USP34: variants seen among roughly 807,000 people sequenced by gnomAD.
USP34 encodes ubiquitin carboxyl-terminal hydrolase 34.
In USP34, 70 loss-of-function variants were observed where a neutral mutation model predicts 460.3. The ratio of observed to expected loss-of-function variants is 0.15; its 90% CI spans 0.13 to 0.19. The LOEUF is 0.19. Ranked by LOEUF, USP34 falls within the 10% of genes least tolerant of loss-of-function variation. The probability of loss-of-function intolerance (pLI) is 1.00; values close to 1 mark genes in which losing one functional copy is unlikely to be tolerated. For missense variants in USP34, 3,985 were observed against 4,236.2 expected (o/e 0.94, Z 1.65); for synonymous variants, 1,647 against 1,405.3 (o/e 1.17, Z -3.85).
At chr2:61,461,800 A>G (rs1695608339) in intron 1 of USP34, among the ~76,000 whole-genome samples, 1 of 152,224 alleles carries the variant, frequency 6.6e-6, no homozygotes, top group South Asian at 2.1e-4. Flanking sequence ...TTTTTGACAC[A>G]GTAAACTCAC....
In USP34 at chr2:61,314,890, A is replaced by T. The variant is rs778736752; in HGVS notation, c.3367T>A (p.Ser1123Thr). The change falls in exon 24 of 80, where the codon TCC becomes ACC. Residue 1123 changes from serine (S) to threonine (T), a missense_variant. Transcript: ENST00000398571. ...AATCACTTACCATTAATATAATAGG[A>T]GTTAATATACTGGATAGCTGCTCGA... ...VSRAAIQYIN[S>T]YYINGKTGLE... is the part of the protein sequence containing the mutation. 1.9e-6 allele frequency: 3 copies of T among 1,612,424 alleles called. No homozygotes were observed. Among genetic ancestry groups the T allele is most frequent in the Non-Finnish European group, 2.5e-6 (3 of 1,179,538 alleles).
chr2:61,344,677 T>G (rs755029002), intron 15 of USP34, among the ~76,000 whole-genome samples: 34 of 152,314 alleles, frequency 2.2e-4, no homozygotes, highest in African/African-American at 7.2e-4. Context: ...AACTAAGATT[T>G]GCAGTGTACC....
intron 41 of USP34, among the ~76,000 whole-genome samples, chr2:61,273,087 CAT>C (rs1454546838): frequency 6.6e-6 from 1 of 152,094 alleles, no homozygotes; most frequent in African/African-American, 2.4e-5. Flanking sequence ...AGTTAAAAAA[CAT>C]AAGCAATGAT....
chr2:61,427,508 A>G (rs1174358345), intron 1 of USP34, among the ~76,000 whole-genome samples: 1 of 152,222 alleles, frequency 6.6e-6, no homozygotes, highest in Non-Finnish European at 1.5e-5. Context: ...TCAGGGACCA[A>G]TCCTGGAGAA....
chr2:61,459,854 G>T (rs1008602289), intron 1 of USP34, among the ~76,000 whole-genome samples: 25 of 151,374 alleles, frequency 1.7e-4, no homozygotes, highest in South Asian at 1.0e-3. Context: ...GAGGTCAGGA[G>T]ATCAAGACCA....
chr2:61,295,169 G>T lies in USP34; in HGVS notation c.4376C>A (p.Thr1459Lys), dbSNP rs770013111. 9.3e-6 allele frequency: 15 copies of T among 1,608,336 alleles called. No homozygotes were observed. The highest frequency in any genetic ancestry group is 1.3e-5 in the Non-Finnish European group (15 of 1,178,352). Residue 1459 changes from threonine to lysine, a missense_variant and splice_region_variant, in exon 31 of 80, where the codon ACG becomes AAG. By Grantham distance (78) the Thr-to-Lys change is moderately conservative (BLOSUM62 -1). Around this residue, in one of 14 missense-constraint regions of USP34, gnomAD observed 1,114 missense variants for 1,122.5 expected, o/e 0.99. Coordinates refer to ENST00000398571, the MANE Select transcript of USP34 (RefSeq NM_014709.4). ...KPNRRIRRES[T>K]GSYSDLYPDS... is the part of the protein sequence containing the mutation. ...TGATAATAATGGAAATGCAATTACC[G>T]TAGACTCCCTCCTTATTCTTCTATT...
chr2:61,221,423 C>T, intron 66 of USP34, 79 bp downstream of exon 66: 2 of 1,306,474 alleles, frequency 1.5e-6, no homozygotes, highest in South Asian at 3.0e-5. Context: ...GAAACTGGTA[C>T]TTAAAATGGT....
At chr2:61,244,850 C>T (rs565248445) in intron 51 of USP34, among the ~76,000 whole-genome samples, 6 of 151,942 alleles carry the variant, frequency 3.9e-5, no homozygotes, top group African/African-American at 1.5e-4. Flanking sequence ...GAGAGACTCC[C>T]TTGTCAAAGA....
chr2:61,432,326 A>C (rs1366416495), intron 1 of USP34, among the ~76,000 whole-genome samples: 1 of 152,140 alleles, frequency 6.6e-6, no homozygotes, highest in Non-Finnish European at 1.5e-5. Flanking sequence ...AAAGACAAAA[A>C]TTAGCTGGGC....
rs769870931 is a variant in USP34, at chr2:61,295,245, C to A, written c.4300G>T (p.Ala1434Ser). ...TCCAGAGCATACAATAGCTTGTGGGCGCTCTTAATTTTGAGAAGTTCTTTC... is the reference window on the plus strand; with the variant it reads ...TCCAGAGCATACAATAGCTTGTGGGAGCTCTTAATTTTGAGAAGTTCTTTC... ...NWKELLKIKS[A>S]HKLLYALEII... Residue 1434 changes from alanine (A) to serine (S), a missense_variant, in exon 31 of 80, where the codon GCC (alanine) becomes TCC (serine). Transcript: ENST00000398571. 38 of 1,608,226 alleles carry A rather than the reference C, an allele frequency of 2.4e-5. No individual in the cohort carries two copies. Among genetic ancestry groups the A allele is most frequent in the Non-Finnish European group, 3.1e-5 (37 of 1,177,802 alleles).
chr2:61,420,326 T>C (rs1242973553), intron 2 of USP34, among the ~76,000 whole-genome samples: 1 of 152,206 alleles, frequency 6.6e-6, no homozygotes, highest in Non-Finnish European at 1.5e-5. Flanking sequence ...TCTCAATATA[T>C]GTATTATTTA....
chr2:61,330,630 C>G (rs1297523119), intron 20 of USP34, among the ~76,000 whole-genome samples: 1 of 152,084 alleles, frequency 6.6e-6, no homozygotes, highest in Non-Finnish European at 1.5e-5. Context: ...GAACTGGTTT[C>G]CTCAACATGG....
chr2:61,349,420 A>T, intron 12 of USP34, 135 bp from the exon 13 acceptor site: 1 of 798,964 alleles, frequency 1.3e-6, no homozygotes, highest in Non-Finnish European at 1.9e-6. Flanking sequence ...AGTCCCCACC[A>T]CCTACAGTAG....
Position 61,390,614 on chromosome 2 carries a change from T to C in USP34, c.753+4239A>G, listed in dbSNP as rs112138296. Reference sequence around the variant, plus strand: ...AAACTCAGAGCTAGTTAAGAACTGCTGAAGTTCTAGTTAAGAATCTGCTAA... The same window carrying C: ...AAACTCAGAGCTAGTTAAGAACTGCCGAAGTTCTAGTTAAGAATCTGCTAA... On this transcript the variant is annotated intron_variant, in intron 5 of 79. Coordinates refer to ENST00000398571, the MANE Select transcript of USP34 (RefSeq NM_014709.4). 9.2e-3 allele frequency among the ~76,000 whole-genome samples: 1,396 copies of C among 152,362 alleles called. 22 individuals carry two copies. Among genetic ancestry groups the C allele is most frequent in the African/African-American group, 0.032 (1,336 of 41,592 alleles).
At chr2:61,296,161 G>C (rs113473724) in intron 30 of USP34, among the ~76,000 whole-genome samples, 253 of 152,192 alleles carry the variant, frequency 1.7e-3, no homozygotes, top group Non-Finnish European at 2.8e-3. Flanking sequence ...GGGAAGGTTG[G>C]GGGAGGAAGG....
intron 75 of USP34, 28 bp from the exon 76 acceptor site, chr2:61,193,008 G>GTTATAAT: frequency 3.8e-6 from 6 of 1,560,142 alleles, no homozygotes; most frequent in African/African-American, 1.4e-5. Context: ...ATCAGAATAG[G>GTTATAAT]TTATAATTAT....
intron 1 of USP34, among the ~76,000 whole-genome samples, chr2:61,451,694 C>A (rs1358961155): frequency 9.5e-5 from 14 of 147,210 alleles, no homozygotes; most frequent in Non-Finnish European, 2.0e-4. Flanking sequence ...AAAAAAAAAA[C>A]AAAAAAACAA....
At chr2:61,222,951 C>T in intron 64 of USP34, 109 bp downstream of exon 64, 2 of 983,318 alleles carry the variant, frequency 2.0e-6, no homozygotes. Context: ...CCCGCCTTGG[C>T]CTCCCAAAGT....
chr2:61,394,467 G>A (rs1156746937), intron 5 of USP34, among the ~76,000 whole-genome samples: 1 of 150,782 alleles, frequency 6.6e-6, no homozygotes, highest in East Asian at 2.0e-4. Context: ...AGGGTGAGGT[G>A]GGAGGATCAC....
Sources: allele counts gnomAD v4.1 joint callset (sites outside exome capture counted in the v4.1 genomes callset), GRCh38; gene constraint gnomAD v4.1.1; regional missense constraint gnomAD v4.1.1; transcripts MANE v1.5; gene names NCBI Gene and HGNC (gene_info 2026-07-23, HGNC 2026-07-21).